Variants in ASTN2 observed in about 807,000 individuals in gnomAD.
ASTN2 encodes the protein astrotactin-2.
Under a neutral mutation model 139.8 loss-of-function variants are expected in ASTN2, and 54 were observed. The ratio of observed to expected loss-of-function variants is 0.39; its 90% CI spans 0.31 to 0.48. The LOEUF is 0.48. ASTN2 is among the 20% of genes least tolerant of loss of function. ASTN2 has a pLI of 0.95. For synonymous variants in ASTN2, 756 were observed against 719.5 expected (o/e 1.05, Z -0.81); for missense variants, 1,565 against 1,725.1 (o/e 0.91, Z 1.64).
chr9:117,051,189 T>C (rs1838902557), intron 5 of ASTN2, among the ~76,000 whole-genome samples: 1 of 151,584 alleles, frequency 6.6e-6, no homozygotes, highest in African/African-American at 2.4e-5. Context: ...TCATTCAGCC[T>C]GCATTTGAGT....
chr9:116,748,147 T>A (rs1829297473), intron 13 of ASTN2, among the ~76,000 whole-genome samples: 1 of 152,102 alleles, frequency 6.6e-6, no homozygotes, highest in African/African-American at 2.4e-5. Flanking sequence ...TTACTAGGCA[T>A]TTTTCTGACA....
At chr9:117,136,757 G>A (rs1203412921) in intron 4 of ASTN2, among the ~76,000 whole-genome samples, 1 of 152,158 alleles carries the variant, frequency 6.6e-6, no homozygotes, top group African/African-American at 2.4e-5. Context: ...GCAGGCCAAT[G>A]GGCAGGACTT....
chr9:116,472,607 T>A (rs1458894279), intron 20 of ASTN2, among the ~76,000 whole-genome samples: 1 of 152,070 alleles, frequency 6.6e-6, no homozygotes, highest in Non-Finnish European at 1.5e-5. Flanking sequence ...TAGCTTGTGT[T>A]AGAATCATGG....
At chr9:116,587,693 T>C (rs543371707) in intron 19 of ASTN2, among the ~76,000 whole-genome samples, 1 of 152,318 alleles carries the variant, frequency 6.6e-6, no homozygotes, top group East Asian at 1.9e-4. Context: ...TAGTTATATG[T>C]CCTTGGTTAA....
chr9:116,868,401 T>G (rs1331465725), intron 10 of ASTN2, among the ~76,000 whole-genome samples: 1 of 152,140 alleles, frequency 6.6e-6, no homozygotes, highest in Non-Finnish European at 1.5e-5. Flanking sequence ...CTTTAACAAC[T>G]TACCCTGTGT....
intron 1 of ASTN2, among the ~76,000 whole-genome samples, chr9:117,376,287 G>A (rs1830122944): frequency 1.3e-5 from 2 of 152,220 alleles, no homozygotes; most frequent in Admixed American, 6.5e-5. Context: ...TGTGTAAGTG[G>A]CAAGATAGGA....
At chr9:116,679,821 C>T (rs11562332) in intron 16 of ASTN2, among the ~76,000 whole-genome samples, 14,234 of 152,028 alleles carry the variant, frequency 0.094, 1,202 homozygotes, top group East Asian at 0.4. Context: ...TTCTTTGAAA[C>T]CAATGAGAAC....
At chr9:116,895,174 G>T (rs1045763572) in intron 10 of ASTN2, among the ~76,000 whole-genome samples, 6 of 152,106 alleles carry the variant, frequency 3.9e-5, no homozygotes, top group Non-Finnish European at 7.4e-5. Context: ...TTTTCTTTCT[G>T]CCGGTTCAAT....
intron 1 of ASTN2, among the ~76,000 whole-genome samples, chr9:117,339,527 C>A (rs1408408178): frequency 6.6e-6 from 1 of 152,158 alleles, no homozygotes; most frequent in Non-Finnish European, 1.5e-5. Context: ...CCTTTGCCAA[C>A]ACTCCGTTTA....
intron 11 of ASTN2, among the ~76,000 whole-genome samples, chr9:116,840,499 CG>C (rs1329096449): frequency 3.1e-5 from 3 of 97,412 alleles, no homozygotes; most frequent in Admixed American, 1.1e-4. Context: ...GCTGGCCGGA[CG>C]GGGGGCTGAC....
At chr9:116,862,699 G>C (rs1832913393) in intron 11 of ASTN2, among the ~76,000 whole-genome samples, 1 of 151,996 alleles carries the variant, frequency 6.6e-6, no homozygotes, top group African/African-American at 2.4e-5. Flanking sequence ...TGTGGCTGGA[G>C]AAACTGAAAA....
At chr9:117,275,799 T>C (rs553313749) in intron 2 of ASTN2, among the ~76,000 whole-genome samples, 1 of 152,206 alleles carries the variant, frequency 6.6e-6, no homozygotes, top group Admixed American at 6.5e-5. Flanking sequence ...CGAACTCTTA[T>C]CCTCAAGTAA....
At chr9:116,437,434 G>A in intron 22 of ASTN2, 1 of 471,428 alleles carries the variant, frequency 2.1e-6, no homozygotes, top group South Asian at 1.5e-5. Flanking sequence ...CTGGGTGACA[G>A]GGTGGGGAGG....
chr9:116,552,737 C>A (rs1048022240), intron 19 of ASTN2, among the ~76,000 whole-genome samples: 2 of 152,138 alleles, frequency 1.3e-5, no homozygotes, highest in African/African-American at 4.8e-5. Flanking sequence ...GGAGTCAAAG[C>A]AAAAATAAAG....
intron 1 of ASTN2, among the ~76,000 whole-genome samples, chr9:117,412,527 A>T (rs1252237500): frequency 6.6e-6 from 1 of 152,168 alleles, no homozygotes; most frequent in Non-Finnish European, 1.5e-5. Flanking sequence ...AAAATGGCAA[A>T]GATTGTCAGT....
intron 10 of ASTN2, among the ~76,000 whole-genome samples, chr9:116,964,260 C>CGCGT (rs1005528258): frequency 5.8e-5 from 8 of 137,898 alleles, no homozygotes; most frequent in Non-Finnish European, 1.1e-4. Flanking sequence ...TGTGTGTGCG[C>CGCGT]GCGCGCGCGT....
intron 19 of ASTN2, among the ~76,000 whole-genome samples, chr9:116,593,904 C>A (rs975196171): frequency 6.6e-6 from 1 of 152,170 alleles, no homozygotes; most frequent in South Asian, 2.1e-4. Context: ...ACAAAGGCCG[C>A]ACATCCTTAG....
intron 11 of ASTN2, among the ~76,000 whole-genome samples, chr9:116,861,896 G>T (rs1832890999): frequency 6.6e-6 from 1 of 152,060 alleles, no homozygotes; most frequent in South Asian, 2.1e-4. Flanking sequence ...ATAAGGAGGG[G>T]GATTCCAATG....
At chr9:116,457,259 A>G (rs1848360452) in intron 20 of ASTN2, among the ~76,000 whole-genome samples, 1 of 152,168 alleles carries the variant, frequency 6.6e-6, no homozygotes, top group South Asian at 2.1e-4. Flanking sequence ...CTACAAGAAA[A>G]CACTGGGGAA....
Sources: gnomAD v4.1 joint callset for allele counts (sites outside exome capture counted in the v4.1 genomes callset) on GRCh38, gnomAD v4.1.1 for gene constraint, MANE v1.5 for transcripts, NCBI Gene and HGNC (gene_info 2026-07-23, HGNC 2026-07-21) for gene names.